The following NCOA1 variants were observed in gnomAD, a reference collection of about 807,000 sequenced individuals.
The protein encoded by NCOA1 is nuclear receptor coactivator 1, also known as Hin-2 protein.
A neutral mutation model predicts 150.9 loss-of-function variants in NCOA1; 35 were observed. That is an observed-to-expected ratio of 0.23 (90% CI 0.18 to 0.31). NCOA1 has a LOEUF of 0.31. Ranked by LOEUF, NCOA1 falls within the 10% of genes least tolerant of loss-of-function variation. The pLI is 1.00. For missense variants in NCOA1, 1,491 were observed against 1,749.3 expected (o/e 0.85, Z 2.63); for synonymous variants, 590 against 630.0 (o/e 0.94, Z 0.95).
chr2:24,566,147 T>C (rs1666497461), intron 2 of NCOA1, among the ~76,000 whole-genome samples: 1 of 152,134 alleles, frequency 6.6e-6, no homozygotes, highest in Non-Finnish European at 1.5e-5. Context: ...CACGGGTAAA[T>C]GGAGGGTGAG....
At chr2:24,723,281 A>G (rs1478192423) in intron 14 of NCOA1, among the ~76,000 whole-genome samples, 2 of 152,192 alleles carry the variant, frequency 1.3e-5, no homozygotes, top group African/African-American at 4.8e-5. Context: ...GTATCAGTGC[A>G]TAAAGAGCAT....
At position 24,538,908 on chromosome 2, in the gene NCOA1, G is replaced by GAT. The variant is rs1348034560; in HGVS notation, c.-395-25385_-395-25384dup. On this transcript the variant is annotated intron_variant, in intron 1 of 22. Coordinates refer to ENST00000348332, the MANE Select transcript of NCOA1 (RefSeq NM_003743.5). ...AAGGGATGTAACATGACAGCGTAGT[G>GAT]ATACAAAGAGGAAGTGAATCTTCTT... is the stretch of plus-strand genomic sequence containing the variant. 3.9e-5 allele frequency among the ~76,000 whole-genome samples: 6 copies of GAT among 152,168 alleles called. No individual in the cohort carries two copies. The East Asian group carries it at 9.6e-4, about 24-fold the overall frequency.
At chr2:24,696,852 GTTT>G (rs1276896398) in intron 10 of NCOA1, among the ~76,000 whole-genome samples, 1 of 151,560 alleles carries the variant, frequency 6.6e-6, no homozygotes, top group Non-Finnish European at 1.5e-5. Flanking sequence ...GGGTTGGCAG[GTTT>G]TTATCTCATT....
intron 1 of NCOA1, among the ~76,000 whole-genome samples, chr2:24,563,774 T>G (rs1666387385): frequency 6.6e-6 from 1 of 152,224 alleles, no homozygotes; most frequent in African/African-American, 2.4e-5. Flanking sequence ...CACCTTGGCC[T>G]CCCAAAGTGC....
chr2:24,566,785 A>C (rs1666527720), intron 2 of NCOA1, among the ~76,000 whole-genome samples: 1 of 152,220 alleles, frequency 6.6e-6, no homozygotes, highest in Non-Finnish European at 1.5e-5. Context: ...GCACCCACCC[A>C]GCTGGGTTGC....
chr2:24,519,361 C>T (rs999561491), intron 1 of NCOA1, among the ~76,000 whole-genome samples: 1 of 152,030 alleles, frequency 6.6e-6, no homozygotes, highest in Non-Finnish European at 1.5e-5. Flanking sequence ...TAGTTGGTTG[C>T]TTAGGGCTAG....
intron 1 of NCOA1, among the ~76,000 whole-genome samples, chr2:24,494,135 A>G (rs1467083187): frequency 6.6e-6 from 1 of 152,192 alleles, no homozygotes; most frequent in Non-Finnish European, 1.5e-5. Context: ...CTAGGACTAA[A>G]TGTTGAGTAA....
At chr2:24,525,750 C>T (rs188641528) in intron 1 of NCOA1, among the ~76,000 whole-genome samples, 3 of 151,880 alleles carry the variant, frequency 2.0e-5, no homozygotes, top group African/African-American at 4.8e-5. Context: ...GGTTTTGCCA[C>T]GTTGGCCAGC....
intron 3 of NCOA1, among the ~76,000 whole-genome samples, chr2:24,589,253 T>C (rs1170648387): frequency 1.3e-5 from 2 of 152,174 alleles, no homozygotes; most frequent in Non-Finnish European, 2.9e-5. Flanking sequence ...CTACCAGAAC[T>C]GTCTGAGACC....
intron 5 of NCOA1, among the ~76,000 whole-genome samples, chr2:24,660,710 A>G (rs752787923): frequency 2.2e-4 from 33 of 152,136 alleles, no homozygotes; most frequent in African/African-American, 7.0e-4. Context: ...CAAATTTTCA[A>G]TGTTACAGCC....
intron 1 of NCOA1, among the ~76,000 whole-genome samples, chr2:24,524,324 C>T (rs901724815): frequency 8.5e-5 from 13 of 152,098 alleles, no homozygotes; most frequent in South Asian, 4.1e-4. Context: ...TAGACAGGGT[C>T]GCACTCTGTC....
chr2:24,681,294 G>A (rs1672153115), intron 7 of NCOA1, among the ~76,000 whole-genome samples: 2 of 152,090 alleles, frequency 1.3e-5, no homozygotes, highest in African/African-American at 4.8e-5. Flanking sequence ...AATCCAGGAA[G>A]CAGAGGTTGC....
chr2:24,699,592 T>C (rs1673058923), intron 11 of NCOA1, among the ~76,000 whole-genome samples: 1 of 152,156 alleles, frequency 6.6e-6, no homozygotes, highest in South Asian at 2.1e-4. Flanking sequence ...TAGAAATAAC[T>C]GTATTTTTCT....
At chr2:24,691,424 C>A in intron 8 of NCOA1, 57 bp from the exon 9 acceptor site, 2 of 1,521,444 alleles carry the variant, frequency 1.3e-6, no homozygotes, top group South Asian at 2.3e-5. Context: ...TTTGTATCTT[C>A]AGAGTTTGTG....
intron 1 of NCOA1, among the ~76,000 whole-genome samples, chr2:24,500,397 C>T (rs1337009504): frequency 1.3e-5 from 2 of 152,188 alleles, no homozygotes; most frequent in Admixed American, 6.5e-5. Flanking sequence ...CGTGAGCCAC[C>T]GCGCCTGGCC....
chr2:24,709,706 G>A (rs1026944894), intron 13 of NCOA1, among the ~76,000 whole-genome samples: 1 of 152,104 alleles, frequency 6.6e-6, no homozygotes, highest in East Asian at 1.9e-4. Flanking sequence ...TTTTGCACAT[G>A]TGTAACAAAA....
chr2:24,724,996 G>A (rs1018811008), intron 14 of NCOA1, among the ~76,000 whole-genome samples: 5 of 151,850 alleles, frequency 3.3e-5, no homozygotes, highest in Non-Finnish European at 5.9e-5. Flanking sequence ...GAGGTTAATC[G>A]AAAGCTGTAA....
rs2148711010 is a variant in NCOA1 at position 24,768,654 on chromosome 2, C to G, written c.*263C>G. 1 of 243,288 alleles carries G rather than the reference C, an allele frequency of 4.1e-6. No individual in the cohort carries two copies. The highest frequency in any genetic ancestry group is 1.6e-4 in the South Asian group (1 of 6,142). 15.1% of individuals were successfully genotyped at this position (243,288 alleles called of 1,614,324 possible). On this transcript the variant is annotated 3_prime_UTR_variant, in exon 23 of 23. Coordinates refer to ENST00000348332, the MANE Select transcript of NCOA1 (RefSeq NM_003743.5). Reference sequence around the variant, plus strand: ...CAGTTGGACAATCTATTTCTTGAGCCAAATTTAATTATTCTTATTTTTGTA... The same window carrying G: ...CAGTTGGACAATCTATTTCTTGAGCGAAATTTAATTATTCTTATTTTTGTA...
intron 22 of NCOA1, among the ~76,000 whole-genome samples, chr2:24,764,945 C>G (rs56220227): frequency 1.3e-3 from 192 of 152,214 alleles, no homozygotes; most frequent in African/African-American, 4.3e-3. Flanking sequence ...ACTTTGGAAG[C>G]CTGAGGCAGG....
Sources: gnomAD v4.1 joint callset for allele counts (sites outside exome capture counted in the v4.1 genomes callset) on GRCh38, gnomAD v4.1.1 for gene constraint, MANE v1.5 for transcripts, NCBI Gene and HGNC (gene_info 2026-07-23, HGNC 2026-07-21) for gene names.